Variants in AGBL4 observed in about 807,000 individuals in gnomAD.
AGBL4 encodes the protein cytosolic carboxypeptidase 6.
A neutral mutation model predicts 66.4 loss-of-function variants in AGBL4; 58 were observed. The ratio of observed to expected loss-of-function variants is 0.87; its 90% CI spans 0.71 to 1.09. The LOEUF (loss-of-function observed/expected upper bound fraction) is 1.09, where lower values mean the gene tolerates loss of function less well. Ranked by LOEUF, AGBL4 falls within the 50% of genes least tolerant of loss-of-function variation. The pLI is 0.00. For synonymous variants in AGBL4, 234 were observed against 222.9 expected (o/e 1.05, Z -0.44); for missense variants, 579 against 631.0 (o/e 0.92, Z 0.88).
At chr1:48,776,971 A>C in intron 6 of AGBL4, 1 of 317,096 alleles carries the variant, frequency 3.2e-6, no homozygotes, top group Non-Finnish European at 5.5e-6. Context: ...GGCTCCCCCC[A>C]CTGTTATTGT....
intron 3 of AGBL4, among the ~76,000 whole-genome samples, chr1:49,508,428 C>T (rs963289642): frequency 6.6e-6 from 1 of 151,842 alleles, no homozygotes. Context: ...TTCAATGTGG[C>T]CCATAGTAGA....
intron 3 of AGBL4, among the ~76,000 whole-genome samples, chr1:49,448,523 GGC>G (rs1646208840): frequency 6.6e-6 from 1 of 152,080 alleles, no homozygotes; most frequent in African/African-American, 2.4e-5. Flanking sequence ...TTATCACTGT[GGC>G]CAGGAGAAGT....
At chr1:49,622,591 T>C (rs1461436584) in intron 3 of AGBL4, among the ~76,000 whole-genome samples, 1 of 115,890 alleles carries the variant, frequency 8.6e-6, no homozygotes, top group Non-Finnish European at 1.6e-5. Flanking sequence ...ATCCCGCCAC[T>C]GCACTCCAGC....
In AGBL4 at chr1:49,494,364, C is replaced by T. The variant is rs549942791; in HGVS notation, c.282+202949G>A. ...TATGTATACATGTGACATGCTGGTGCGCTGCACCCACTAACTCGTCATCTA... is the reference window on the plus strand; with the variant it reads ...TATGTATACATGTGACATGCTGGTGTGCTGCACCCACTAACTCGTCATCTA... On this transcript the variant is annotated intron_variant, in intron 3 of 13. Coordinates refer to ENST00000371839, the MANE Select transcript of AGBL4 (RefSeq NM_032785.4). Among the ~76,000 whole-genome samples, 28 of 151,738 alleles carry T rather than the reference C, an allele frequency of 1.8e-4. 1 individual carries two copies. Among genetic ancestry groups the T allele is most frequent in the Non-Finnish European group, 2.8e-4 (19 of 67,896 alleles).
chr1:49,398,969 C>T (rs960599379), intron 3 of AGBL4, among the ~76,000 whole-genome samples: 1 of 151,926 alleles, frequency 6.6e-6, no homozygotes, highest in African/African-American at 2.4e-5. Flanking sequence ...TTTTCATTAA[C>T]AATCCCCATT....
At position 48,534,041 on chromosome 1, in the gene AGBL4, G is replaced by A. The variant is rs960390332; in HGVS notation, c.*132C>T. 1 of 1,373,374 alleles carries A rather than the reference G, an allele frequency of 7.3e-7. No individual in the cohort carries two copies. Among genetic ancestry groups the A allele is most frequent in the Non-Finnish European group, 1.0e-6 (1 of 988,264 alleles). 85.1% of individuals were successfully genotyped at this position (1,373,374 alleles called of 1,614,324 possible). Reference sequence around the variant, plus strand: ...AAAATCAGTGATGAAGTTTCTCATTGTATCCCTTCCCTTTCACTAGCCTAT... The same window carrying A: ...AAAATCAGTGATGAAGTTTCTCATTATATCCCTTCCCTTTCACTAGCCTAT... On this transcript the variant is annotated 3_prime_UTR_variant, in exon 14 of 14. Coordinates refer to ENST00000371839, the MANE Select transcript of AGBL4 (RefSeq NM_032785.4).
intron 6 of AGBL4, among the ~76,000 whole-genome samples, chr1:48,785,739 G>A (rs1645393180): frequency 6.6e-6 from 1 of 152,144 alleles, no homozygotes; most frequent in South Asian, 2.1e-4. Context: ...AAACAAGATG[G>A]TGATTCTGCC....
chr1:49,999,643 C>T (rs1391301487), intron 1 of AGBL4, among the ~76,000 whole-genome samples: 1 of 151,980 alleles, frequency 6.6e-6, no homozygotes, highest in Non-Finnish European at 1.5e-5. Context: ...ACAACAACAA[C>T]AAAAATCTGG....
At chr1:49,792,865 A>T (rs1007931410) in intron 2 of AGBL4, among the ~76,000 whole-genome samples, 3 of 152,058 alleles carry the variant, frequency 2.0e-5, no homozygotes, top group Non-Finnish European at 4.4e-5. Context: ...AAGTAATAGG[A>T]TATGAAGATT....
rs201542304 is a variant in AGBL4, at chr1:48,587,077, G to A, written c.1194C>T (p.Tyr398=). Residue 398 remains tyrosine (Y), a synonymous_variant, in exon 11 of 14, where the codon TAC becomes TAT. Coordinates refer to ENST00000371839, the MANE Select transcript of AGBL4 (RefSeq NM_032785.4). ...GGLLDHTSYC[Y]TLEVSFYSYI... ...AGCTGTAGAAGGAGACCTCTAGGGT[G>A]TAGCAATAGGAAGTGTGGTCCAGGA... 1.7e-4 allele frequency: 275 copies of A among 1,602,012 alleles called. 2 individuals are homozygous for A. The East Asian group carries it at 6.2e-3, about 36-fold the overall frequency.
intron 6 of AGBL4, among the ~76,000 whole-genome samples, chr1:48,791,516 C>A (rs191396384): frequency 5.8e-4 from 88 of 152,286 alleles, no homozygotes; most frequent in African/African-American, 2.1e-3. Context: ...TTGGGGGTTG[C>A]CCTAAGCATA....
chr1:49,285,517 A>T (rs191869912), intron 3 of AGBL4, among the ~76,000 whole-genome samples: 1 of 152,094 alleles, frequency 6.6e-6, no homozygotes, highest in Admixed American at 6.5e-5. Context: ...AAATAACTAA[A>T]ATCAGCGTAG....
At chr1:49,043,507 T>C (rs1643999948) in intron 5 of AGBL4, among the ~76,000 whole-genome samples, 3 of 152,158 alleles carry the variant, frequency 2.0e-5, no homozygotes, top group Non-Finnish European at 2.9e-5. Context: ...CTTTGAGCTG[T>C]TATTAGCCCT....
intron 5 of AGBL4, among the ~76,000 whole-genome samples, chr1:48,880,348 T>A (rs1462029075): frequency 1.3e-5 from 2 of 152,202 alleles, no homozygotes; most frequent in Non-Finnish European, 2.9e-5. Flanking sequence ...TATACCAGTT[T>A]CTTTATCCAC....
At chr1:48,605,330 C>T (rs889581754) in intron 9 of AGBL4, among the ~76,000 whole-genome samples, 10 of 152,198 alleles carry the variant, frequency 6.6e-5, no homozygotes, top group African/African-American at 1.9e-4. Context: ...CTACTCTCTG[C>T]TGATAGGCAA....
At chr1:48,618,708 C>G (rs897098265) in intron 9 of AGBL4, among the ~76,000 whole-genome samples, 4 of 152,186 alleles carry the variant, frequency 2.6e-5, no homozygotes, top group African/African-American at 7.2e-5. Context: ...AGGTCAAAAC[C>G]TCTTGCCTGT....
intron 1 of AGBL4, among the ~76,000 whole-genome samples, chr1:49,973,410 C>T (rs768035381): frequency 3.3e-5 from 5 of 152,048 alleles, no homozygotes; most frequent in Non-Finnish European, 7.4e-5. Context: ...TCAATAGCTA[C>T]ACATGGCTAG....
intron 4 of AGBL4, among the ~76,000 whole-genome samples, chr1:49,125,320 G>T (rs979818355): frequency 1.3e-5 from 2 of 151,926 alleles, no homozygotes; most frequent in African/African-American, 4.8e-5. Context: ...TGAGATGTAG[G>T]GTTTAATGTT....
chr1:48,943,294 G>A (rs910800073), intron 5 of AGBL4, among the ~76,000 whole-genome samples: 1 of 152,152 alleles, frequency 6.6e-6, no homozygotes, highest in Non-Finnish European at 1.5e-5. Flanking sequence ...AATAAAAAAT[G>A]TCTTGCTTTA....
Sources: allele counts gnomAD v4.1 joint callset (sites outside exome capture counted in the v4.1 genomes callset), GRCh38; gene constraint gnomAD v4.1.1; transcripts MANE v1.5; gene names NCBI Gene and HGNC (gene_info 2026-07-23, HGNC 2026-07-21).